TRAF3: variants seen among roughly 807,000 people sequenced by gnomAD.
TRAF3 encodes TNF receptor-associated factor 3.
TRAF3 carries 13 observed loss-of-function variants against 62.3 expected under a neutral mutation model. The observed-to-expected ratio is 0.21, with a 90% CI of 0.14 to 0.33. The LOEUF (loss-of-function observed/expected upper bound fraction) is 0.33. Ranked by LOEUF, TRAF3 falls within the 10% of genes least tolerant of loss-of-function variation. The pLI is 1.00. For missense variants in TRAF3, 440 were observed against 741.8 expected (o/e 0.59, Z 4.73); for synonymous variants, 269 against 283.4 (o/e 0.95, Z 0.51).
At chr14:102,853,339 C>A (rs1887160127) in intron 2 of TRAF3, among the ~76,000 whole-genome samples, 1 of 152,092 alleles carries the variant, frequency 6.6e-6, no homozygotes, top group Non-Finnish European at 1.5e-5. Context: ...GTCCTGCCTG[C>A]TAGCCATTTT....
intron 2 of TRAF3, among the ~76,000 whole-genome samples, chr14:102,865,062 C>T (rs1887903982): frequency 6.6e-6 from 1 of 152,130 alleles, no homozygotes; most frequent in Admixed American, 6.5e-5. Context: ...CTATTTGCTT[C>T]AGGAGGTGAT....
At chr14:102,887,430 C>T (rs1490615336) in intron 7 of TRAF3, among the ~76,000 whole-genome samples, 1 of 152,236 alleles carries the variant, frequency 6.6e-6, no homozygotes, top group Non-Finnish European at 1.5e-5. Context: ...GGTGTGCCCT[C>T]CCAGCACCTT....
At chr14:102,827,741 G>A (rs1215207002) in intron 1 of TRAF3, among the ~76,000 whole-genome samples, 4 of 152,188 alleles carry the variant, frequency 2.6e-5, no homozygotes, top group East Asian at 3.8e-4. Context: ...TTTACTAAGC[G>A]TGCTACTATT....
chr14:102,876,489 C>G lies in TRAF3; in HGVS notation c.534C>G (p.Ser178Arg). The stretch of plus-strand genomic sequence containing the variant: ...GTAAATACCGGGAAGCCACATGCAG[C>G]CACTGCAAGAGTCAGGTTCCGATGA... Reference protein sequence around the residue: ...KACKYREATCSHCKSQVPMIA... With the variant: ...KACKYREATCRHCKSQVPMIA... Residue 178 changes from serine (S) to arginine (R), a missense_variant, in exon 6 of 12, where the codon AGC becomes AGG. Coordinates refer to ENST00000392745, the MANE Select transcript of TRAF3 (RefSeq NM_145725.3). 6.2e-7 allele frequency: 1 copy of G among 1,614,148 alleles called. No individual in the cohort carries two copies. The highest frequency in any genetic ancestry group is 8.5e-7 in the Non-Finnish European group (1 of 1,179,998).
At chr14:102,812,360 A>G (rs1336392547) in intron 1 of TRAF3, among the ~76,000 whole-genome samples, 4 of 152,162 alleles carry the variant, frequency 2.6e-5, no homozygotes, top group Non-Finnish European at 5.9e-5. Flanking sequence ...GCTAAATAGT[A>G]GTCCATTTTG....
At chr14:102,802,489 T>C (rs1348298970) in intron 1 of TRAF3, among the ~76,000 whole-genome samples, 3 of 145,978 alleles carry the variant, frequency 2.1e-5, no homozygotes, top group Admixed American at 1.4e-4. Flanking sequence ...AGAGCAGAAG[T>C]TGTGTTAGAA....
intron 7 of TRAF3, among the ~76,000 whole-genome samples, chr14:102,888,344 A>T (rs763983046): frequency 6.6e-6 from 1 of 152,062 alleles, no homozygotes. Flanking sequence ...TACCACCTTG[A>T]CTCTGCCCTG....
intron 1 of TRAF3, among the ~76,000 whole-genome samples, chr14:102,823,568 A>T (rs572382788): frequency 1.3e-5 from 2 of 152,284 alleles, no homozygotes; most frequent in Non-Finnish European, 2.9e-5. Flanking sequence ...AGCTTATTTA[A>T]CATTTTTGGA....
chr14:102,838,799 G>A (rs1349822572), intron 2 of TRAF3, among the ~76,000 whole-genome samples: 1 of 152,152 alleles, frequency 6.6e-6, no homozygotes, highest in African/African-American at 2.4e-5. Flanking sequence ...GTGTGTATTG[G>A]AGGGGGTATG....
At chr14:102,779,269 CTTTTTT>C (rs61309052) in intron 1 of TRAF3, among the ~76,000 whole-genome samples, 110 of 123,414 alleles carry the variant, frequency 8.9e-4, no homozygotes, top group African/African-American at 3.4e-3. Context: ...AGAATTCCAG[CTTTTTT>C]TTTTTTTTTT....
chr14:102,865,377 C>A (rs1220468380), intron 2 of TRAF3, among the ~76,000 whole-genome samples: 1 of 152,200 alleles, frequency 6.6e-6, no homozygotes, highest in Admixed American at 6.5e-5. Context: ...GGCTCATTTA[C>A]TAGTCTTACT....
At chr14:102,875,136 G>T (rs371691087) in intron 4 of TRAF3, among the ~76,000 whole-genome samples, 2 of 152,172 alleles carry the variant, frequency 1.3e-5, no homozygotes, top group East Asian at 3.9e-4. Context: ...CCCAAATATG[G>T]TCTCTTATGT....
Position 102,873,251 on chromosome 14 carries a change from G to C in TRAF3, c.297+1283G>C, listed in dbSNP as rs189366960. Among the ~76,000 whole-genome samples, 810 of 152,252 alleles carry C rather than the reference G, an allele frequency of 5.3e-3. 9 individuals are homozygous for C. Among genetic ancestry groups the C allele is most frequent in the African/African-American group, 0.019 (794 of 41,560 alleles). On this transcript the variant is annotated intron_variant, in intron 4 of 11. Transcript: ENST00000392745. The stretch of plus-strand genomic sequence containing the variant: ...GCATCCAGTATAGCCGCTCTGGAAG[G>C]GGGAGAGATGGAATTGGCCACCTGG...
At chr14:102,779,389 T>C (rs747822782) in intron 1 of TRAF3, among the ~76,000 whole-genome samples, 4 of 151,326 alleles carry the variant, frequency 2.6e-5, no homozygotes, top group Non-Finnish European at 1.5e-5. Flanking sequence ...ATAAGATGGC[T>C]TCACTCAGTG....
chr14:102,779,235 G>A lies in TRAF3; in HGVS notation c.-157+1560G>A, dbSNP rs113965903. Among the ~76,000 whole-genome samples, 1,067 of 147,612 alleles carry A rather than the reference G, an allele frequency of 7.2e-3. 14 individuals carry two copies. The highest frequency in any genetic ancestry group is 8.8e-3 in the Non-Finnish European group (592 of 67,476). ...TTCCAGCTGTCAATGCAGAAGCCAGGAAAGGAGAGAGAGCTGGCCAGGGAG... is the reference window on the plus strand; with the variant it reads ...TTCCAGCTGTCAATGCAGAAGCCAGAAAAGGAGAGAGAGCTGGCCAGGGAG... On this transcript the variant is annotated intron_variant, in intron 1 of 11. Coordinates refer to ENST00000392745, the MANE Select transcript of TRAF3 (RefSeq NM_145725.3).
intron 1 of TRAF3, among the ~76,000 whole-genome samples, chr14:102,804,370 G>A (rs941262157): frequency 1.6e-4 from 25 of 152,160 alleles, no homozygotes; most frequent in Non-Finnish European, 3.2e-4. Flanking sequence ...CACAGCAGAT[G>A]AAAATTATCA....
intron 1 of TRAF3, among the ~76,000 whole-genome samples, chr14:102,804,590 T>C (rs1017444652): frequency 2.6e-5 from 4 of 152,136 alleles, no homozygotes; most frequent in Admixed American, 6.5e-5. Flanking sequence ...TGGGCTCAAG[T>C]GATCCTCCCA....
chr14:102,897,653 C>T (rs1435714854), intron 10 of TRAF3, among the ~76,000 whole-genome samples: 1 of 152,216 alleles, frequency 6.6e-6, no homozygotes, highest in Admixed American at 6.5e-5. Flanking sequence ...TCTTCCATGC[C>T]TTTGATCTAC....
chr14:102,791,561 A>G (rs1301215317), intron 1 of TRAF3, among the ~76,000 whole-genome samples: 1 of 152,084 alleles, frequency 6.6e-6, no homozygotes, highest in African/African-American at 2.4e-5. Flanking sequence ...TGTTGAATTT[A>G]TTACCTCTAG....
Sources: allele counts gnomAD v4.1 joint callset (sites outside exome capture counted in the v4.1 genomes callset), GRCh38; gene constraint gnomAD v4.1.1; transcripts MANE v1.5; gene names NCBI Gene and HGNC (gene_info 2026-07-23, HGNC 2026-07-21).